XKR6: variants seen among roughly 807,000 people sequenced by gnomAD.
The protein encoded by XKR6 is XK related 6.
XKR6 carries 22 observed loss-of-function variants against 56.7 expected under a neutral mutation model. The observed-to-expected ratio is 0.39, with a 90% CI of 0.28 to 0.55. XKR6 has a LOEUF of 0.55. Ranked by LOEUF, XKR6 falls within the 20% of genes least tolerant of loss-of-function variation. The pLI is 0.66. For synonymous variants in XKR6, 524 were observed against 387.8 expected (o/e 1.35, Z -4.13); for missense variants, 852 against 889.0 (o/e 0.96, Z 0.53).
intron 1 of XKR6, among the ~76,000 whole-genome samples, chr8:10,957,076 G>A (rs1468373790): frequency 6.6e-6 from 1 of 152,104 alleles, no homozygotes; most frequent in African/African-American, 2.4e-5. Flanking sequence ...TCAGCCTCCC[G>A]AGTAGCTGGG....
At chr8:11,013,421 G>A (rs867214487) in intron 1 of XKR6, among the ~76,000 whole-genome samples, 6 of 152,268 alleles carry the variant, frequency 3.9e-5, no homozygotes, top group African/African-American at 9.6e-5. Context: ...TCAGGATGCC[G>A]GCTCTCATGT....
At chr8:11,176,944 A>G (rs1014925760) in intron 1 of XKR6, among the ~76,000 whole-genome samples, 1 of 152,194 alleles carries the variant, frequency 6.6e-6, no homozygotes, top group African/African-American at 2.4e-5. Flanking sequence ...CAATGCTAAG[A>G]GAAGGTGGGG....
At position 10,898,421 on chromosome 8, in the gene XKR6, G is replaced by A. The variant is rs138547627; in HGVS notation, c.1457C>T (p.Ala486Val). The change falls in exon 3 of 3, where the codon GCT becomes GTT. Residue 486 changes from alanine (A) to valine (V), a missense_variant. Around this residue, in one of 4 missense-constraint regions of XKR6, gnomAD observed 197 missense variants for 190.9 expected, o/e 1.03. Transcript: ENST00000416569. The surrounding 1 kb of genome is among the most constrained non-coding windows in gnomAD (Gnocchi z 6.6). ...ALCCVFISFV[A>V]GIAMMLLYYG... is the part of the protein sequence containing the mutation. ...GTATAAGAGCATCATTGCGATCCCA[G>A]CCACAAAGCTAATAAAGACACAACA... is the stretch of plus-strand genomic sequence containing the variant. 59 of 1,613,946 alleles carry A rather than the reference G, an allele frequency of 3.7e-5. No individual in the cohort carries two copies. Among genetic ancestry groups the A allele is most frequent in the Non-Finnish European group, 4.8e-5 (57 of 1,180,024 alleles).
chr8:11,198,986 G>T (rs1004284235), intron 1 of XKR6, among the ~76,000 whole-genome samples: 15 of 151,946 alleles, frequency 9.9e-5, no homozygotes, highest in African/African-American at 3.6e-4. Flanking sequence ...TGAGTGTGTG[G>T]GTGTTTAGGA....
At chr8:11,113,034 G>A (rs1015549592) in intron 1 of XKR6, among the ~76,000 whole-genome samples, 1 of 152,132 alleles carries the variant, frequency 6.6e-6, no homozygotes, top group Non-Finnish European at 1.5e-5. Flanking sequence ...GATGTTTTCA[G>A]TTCCTTACAA....
intron 1 of XKR6, among the ~76,000 whole-genome samples, chr8:11,128,492 C>T (rs557863013): frequency 3.9e-5 from 6 of 152,292 alleles, no homozygotes; most frequent in African/African-American, 1.4e-4. Context: ...AACCAAATGC[C>T]TGATCTTCCG....
At chr8:10,992,329 G>T (rs1488947261) in intron 1 of XKR6, among the ~76,000 whole-genome samples, 1 of 151,898 alleles carries the variant, frequency 6.6e-6, no homozygotes, top group Non-Finnish European at 1.5e-5. Context: ...GAGACCAACA[G>T]ATTTTAGTGG....
chr8:10,922,960 G>A (rs746061085), intron 2 of XKR6, among the ~76,000 whole-genome samples: 3 of 152,188 alleles, frequency 2.0e-5, no homozygotes, highest in Non-Finnish European at 4.4e-5. Flanking sequence ...TGCTCATCCT[G>A]TAGGCACCAG....
intron 1 of XKR6, among the ~76,000 whole-genome samples, chr8:10,984,728 C>CTATATATATATATA (rs1176002840): frequency 4.5e-4 from 30 of 66,852 alleles, no homozygotes; most frequent in African/African-American, 1.3e-3. Context: ...CTCTCTCTCT[C>CTATATATATATATA]TCTCTATATA....
chr8:10,954,181 G>A (rs557542033), intron 1 of XKR6, among the ~76,000 whole-genome samples: 1 of 152,302 alleles, frequency 6.6e-6, no homozygotes, highest in African/African-American at 2.4e-5. Flanking sequence ...TATATACATG[G>A]TAGTGGAACT....
chr8:11,160,191 C>A (rs938784988), intron 1 of XKR6, among the ~76,000 whole-genome samples: 4 of 149,396 alleles, frequency 2.7e-5, no homozygotes, highest in South Asian at 2.1e-4. Flanking sequence ...AGAAAATGTA[C>A]GTCAGAAACA....
intron 1 of XKR6, among the ~76,000 whole-genome samples, chr8:10,985,790 T>C (rs1266142803): frequency 6.6e-6 from 1 of 152,196 alleles, no homozygotes; most frequent in Non-Finnish European, 1.5e-5. Context: ...AACAGACTAA[T>C]ACATGGGGTT....
intron 1 of XKR6, among the ~76,000 whole-genome samples, chr8:11,097,192 C>T (rs1477075639): frequency 6.6e-6 from 1 of 152,178 alleles, no homozygotes; most frequent in Non-Finnish European, 1.5e-5. Context: ...CACTTGGTCC[C>T]ACTCATAAGC....
intron 1 of XKR6, among the ~76,000 whole-genome samples, chr8:10,999,664 T>G (rs1798194909): frequency 6.6e-6 from 1 of 152,230 alleles, no homozygotes; most frequent in African/African-American, 2.4e-5. Context: ...GTTCTGCAGA[T>G]GTGACCAAGC....
In XKR6 at chr8:10,897,731, A is replaced by G; in HGVS notation, c.*221T>C. On this transcript the variant is annotated 3_prime_UTR_variant, in exon 3 of 3. Transcript: ENST00000416569. Reference sequence around the variant, plus strand: ...TTTTGTTTTTACTTACAAAACATAGAGAATATCTTTGTATACATACAGCGA... The same window carrying G: ...TTTTGTTTTTACTTACAAAACATAGGGAATATCTTTGTATACATACAGCGA... The G allele has an allele frequency of 2.2e-6, 1 of 459,806 alleles. No homozygotes were observed. Among genetic ancestry groups the G allele is most frequent in the Non-Finnish European group, 3.7e-6 (1 of 272,518 alleles). 28.5% of individuals were successfully genotyped at this position (459,806 alleles called of 1,614,324 possible). A position where few individuals can be genotyped will look rare whatever the true frequency, so the allele number is the denominator to read the frequency against.
At chr8:11,063,041 G>A (rs982695554) in intron 1 of XKR6, 9 of 356,704 alleles carry the variant, frequency 2.5e-5, no homozygotes, top group Non-Finnish European at 5.0e-5. Flanking sequence ...TTGGCATTTG[G>A]ACTCCTATAT....
At chr8:11,114,189 AG>A (rs1586562643) in intron 1 of XKR6, 2 of 356,864 alleles carry the variant, frequency 5.6e-6, no homozygotes, top group East Asian at 1.7e-4. Context: ...TTTTTATCAC[AG>A]AAAAATGAAA....
intron 1 of XKR6, among the ~76,000 whole-genome samples, chr8:11,004,515 G>A (rs1445352911): frequency 6.6e-6 from 1 of 152,040 alleles, no homozygotes; most frequent in African/African-American, 2.4e-5. Flanking sequence ...AAGCTCCGGT[G>A]GGACAAAGAT....
chr8:11,104,489 A>T (rs1216984656), intron 1 of XKR6, among the ~76,000 whole-genome samples: 6 of 152,372 alleles, frequency 3.9e-5, no homozygotes, highest in African/African-American at 1.4e-4. Context: ...TCCACTGGGA[A>T]AATGAAGGCA....
Sources: allele counts gnomAD v4.1 joint callset (sites outside exome capture counted in the v4.1 genomes callset), GRCh38; gene constraint gnomAD v4.1.1; regional missense constraint gnomAD v4.1.1; non-coding constraint Gnocchi (gnomAD v3.1); transcripts MANE v1.5; gene names NCBI Gene and HGNC (gene_info 2026-07-23, HGNC 2026-07-21).